STAT4: variants seen among roughly 807,000 people sequenced by gnomAD.
The protein encoded by STAT4 is signal transducer and activator of transcription 4.
In STAT4, 42 loss-of-function variants were observed where a neutral mutation model predicts 110.5. That is an observed-to-expected ratio of 0.38 (90% CI 0.30 to 0.49). The LOEUF is 0.49. Among genes scored for constraint, STAT4 ranks in the 20% least tolerant of loss-of-function variants. STAT4 has a pLI of 0.95. For synonymous variants in STAT4, 284 were observed against 302.2 expected (o/e 0.94, Z 0.63); for missense variants, 632 against 887.9 (o/e 0.71, Z 3.66).
At position 191,066,894 on chromosome 2, in the gene STAT4, C is replaced by A. The variant is rs1265877631; in HGVS notation, c.545-379G>T. The stretch of plus-strand genomic sequence containing the variant: ...AGGAAAGCAGGGATCACCCTTTGTG[C>A]CCCTGATTAAATCATATTTGACTCT... On this transcript the variant is annotated intron_variant, in intron 6 of 23. Coordinates refer to ENST00000392320, the MANE Select transcript of STAT4 (RefSeq NM_003151.4). The surrounding 1 kb of genome is among the most constrained non-coding windows in gnomAD (Gnocchi z 4.3). 6.6e-6 allele frequency among the ~76,000 whole-genome samples: 1 copy of A among 151,978 alleles called. No homozygotes were observed. Among genetic ancestry groups the A allele is most frequent in the Non-Finnish European group, 1.5e-5 (1 of 67,978 alleles).
rs536471585 is a variant in STAT4 at position 191,033,407 on chromosome 2, C to T, written c.1852+83G>A. Reference sequence around the variant, plus strand: ...AATACATCACAGACAGATCAACACACCATACACTTCCAAAAACTGAAATCC... The same window carrying T: ...AATACATCACAGACAGATCAACACATCATACACTTCCAAAAACTGAAATCC... On this transcript the variant is annotated intron_variant, in intron 20 of 23. Coordinates refer to ENST00000392320, the MANE Select transcript of STAT4 (RefSeq NM_003151.4). The surrounding 1 kb of genome is among the most constrained non-coding windows in gnomAD (Gnocchi z 6.9). 1 of 1,460,554 alleles carries T rather than the reference C, an allele frequency of 6.8e-7. No homozygotes were observed. Among genetic ancestry groups the T allele is most frequent in the South Asian group, 1.3e-5 (1 of 74,320 alleles). 90.5% of individuals were successfully genotyped at this position (1,460,554 alleles called of 1,614,324 possible).
chr2:191,063,847 T>C (rs1430969275), intron 8 of STAT4, among the ~76,000 whole-genome samples: 1 of 152,232 alleles, frequency 6.6e-6, no homozygotes, highest in East Asian at 1.9e-4. Context: ...CTTACATTTC[T>C]TGACAAGTAG....
chr2:191,144,084 T>C lies in STAT4; in HGVS notation c.273+2529A>G, dbSNP rs994781320. Among the ~76,000 whole-genome samples the C allele has an allele frequency of 1.4e-4, 22 of 152,126 alleles. No individual in the cohort carries two copies. Among genetic ancestry groups the C allele is most frequent in the African/African-American group, 5.1e-4 (21 of 41,430 alleles). ...AACTCAAATATCTTAATTCACCAAATTGTTTTTTGAATTCCTAGTGTGCAC... is the reference window on the plus strand; with the variant it reads ...AACTCAAATATCTTAATTCACCAAACTGTTTTTTGAATTCCTAGTGTGCAC... On this transcript the variant is annotated intron_variant, in intron 3 of 23. Coordinates refer to ENST00000392320, the MANE Select transcript of STAT4 (RefSeq NM_003151.4). The surrounding 1 kb of genome is among the most constrained non-coding windows in gnomAD (Gnocchi z 4.7).
chr2:191,034,408 G>A, intron 18 of STAT4, 140 bp downstream of exon 18: 1 of 627,884 alleles, frequency 1.6e-6, no homozygotes, highest in Admixed American at 2.9e-5. Context: ...GGGTGACAGA[G>A]CAAGACTCTA....
rs1699454213 is a variant in STAT4, at chr2:191,146,160, G to A, written c.273+453C>T. On this transcript the variant is annotated intron_variant, in intron 3 of 23. Coordinates refer to ENST00000392320, the MANE Select transcript of STAT4 (RefSeq NM_003151.4). This position sits in a 1 kb window ranked among gnomAD's most constrained non-coding sequence, Gnocchi z 4.5. ...GGGCTCTGCCTGGGTGAACCAGAGAGTACCAAAGAACACTTTTAAAGGAGT... is the reference window on the plus strand; with the variant it reads ...GGGCTCTGCCTGGGTGAACCAGAGAATACCAAAGAACACTTTTAAAGGAGT... Among the ~76,000 whole-genome samples, 1 of 152,214 alleles carries A rather than the reference G, an allele frequency of 6.6e-6. No individual in the cohort carries two copies. The highest frequency in any genetic ancestry group is 2.4e-5 in the African/African-American group (1 of 41,456).
intron 14 of STAT4, among the ~76,000 whole-genome samples, chr2:191,045,290 A>G (rs1437200441): frequency 1.3e-5 from 2 of 152,248 alleles, no homozygotes; most frequent in Non-Finnish European, 2.9e-5. Context: ...CAGTATTGCC[A>G]TCGCCTAAAA....
In STAT4 at chr2:191,030,945, C is replaced by A; in HGVS notation, c.2220+27G>T. The A allele has an allele frequency of 6.2e-7, 1 of 1,601,064 alleles. No individual in the cohort carries two copies. The highest frequency in any genetic ancestry group is 8.6e-7 in the Non-Finnish European group (1 of 1,168,380). ...TTGCATCGTTGGAAACACCTTTGAC[C>A]AGCAATGGAAAATAAAGGGAACATA... is the stretch of plus-strand genomic sequence containing the variant. On this transcript the variant is annotated intron_variant, in intron 23 of 23. Coordinates refer to ENST00000392320, the MANE Select transcript of STAT4 (RefSeq NM_003151.4). This position sits in a 1 kb window ranked among gnomAD's most constrained non-coding sequence, Gnocchi z 4.4.
intron 3 of STAT4, among the ~76,000 whole-genome samples, chr2:191,103,904 C>A (rs1698209127): frequency 2.0e-5 from 3 of 152,128 alleles, no homozygotes; most frequent in South Asian, 4.1e-4. Context: ...GGGACATCTA[C>A]AGTTTTTTCC....
chr2:191,029,939 T>C lies in STAT4; in HGVS notation c.2221-73A>G. ...AATCAATCACTATTTCTTGGGCAAA[T>C]AAACGTCCTCTTTTCTACGAATTAC... On this transcript the variant is annotated intron_variant, in intron 23 of 23. Transcript: ENST00000392320. This position sits in a 1 kb window ranked among gnomAD's most constrained non-coding sequence, Gnocchi z 4.5. The C allele has an allele frequency of 8.5e-7, 1 of 1,170,682 alleles. No individual in the cohort carries two copies. The highest frequency in any genetic ancestry group is 1.2e-6 in the Non-Finnish European group (1 of 811,970). The allele number at this position is 1,170,682 out of a possible 1,614,324, so 72.5% of individuals were successfully genotyped here. A position where few individuals can be genotyped will look rare whatever the true frequency, so the allele number is the denominator to read the frequency against.
intron 7 of STAT4, among the ~76,000 whole-genome samples, chr2:191,065,287 T>G (rs1696958333): frequency 6.6e-6 from 1 of 152,192 alleles, no homozygotes; most frequent in Non-Finnish European, 1.5e-5. Flanking sequence ...TATTTATATA[T>G]GTAATTTATT....
At position 191,110,260 on chromosome 2, in the gene STAT4, G is replaced by C. The variant is rs1468581812; in HGVS notation, c.274-33935C>G. On this transcript the variant is annotated intron_variant, in intron 3 of 23. Transcript: ENST00000392320. The surrounding 1 kb of genome is among the most constrained non-coding windows in gnomAD (Gnocchi z 4.5). ...TCAGGCCTTTATTCAACAATATTCA[G>C]GTTTCAGCTATGTGTCTGGCTCTGT... Among the ~76,000 whole-genome samples, 1 of 152,160 alleles carries C rather than the reference G, an allele frequency of 6.6e-6. No homozygotes were observed. Among genetic ancestry groups the C allele is most frequent in the Non-Finnish European group, 1.5e-5 (1 of 68,028 alleles).
chr2:191,064,758 T>G (rs1553507367), intron 8 of STAT4, 49 bp downstream of exon 8: 1 of 1,581,410 alleles, frequency 6.3e-7, no homozygotes, highest in Non-Finnish European at 8.6e-7. Context: ...ACACTGAAGT[T>G]TTGTGTTTCC....
chr2:191,066,487 C>T lies in STAT4; in HGVS notation c.573G>A (p.Val191=), dbSNP rs1257415818. Residue 191 remains valine (V), a synonymous_variant, in exon 7 of 24, where the codon GTG becomes GTA. Transcript: ENST00000392320. The surrounding 1 kb of genome is among the most constrained non-coding windows in gnomAD (Gnocchi z 4.3). ...CCTGCAGTGTCAAAACTTCCTGATT[C>T]ACCATGGCACTATTCTTGTCACTCT... The part of the protein sequence containing the change: ...MDQSDKNSAM[V]NQEVLTLQEM... 1.2e-6 allele frequency: 2 copies of T among 1,613,490 alleles called. No individual in the cohort carries two copies. Among genetic ancestry groups the T allele is most frequent in the Non-Finnish European group, 1.7e-6 (2 of 1,179,642 alleles).
chr2:191,068,294 C>T (rs185618455), intron 6 of STAT4: 2 of 152,228 alleles, frequency 1.3e-5, no homozygotes, highest in African/African-American at 4.8e-5. Flanking sequence ...AATAAGGCTG[C>T]CTTCAATGAA....
In STAT4 at chr2:191,104,808, G is replaced by T. The variant is rs1488630642; in HGVS notation, c.274-28483C>A. Among the ~76,000 whole-genome samples the T allele has an allele frequency of 6.6e-6, 1 of 151,732 alleles. No homozygotes were observed. The highest frequency in any genetic ancestry group is 1.5e-5 in the Non-Finnish European group (1 of 67,914). ...ACTGGTAAAAACTTTATTAAGGATG[G>T]GTCCTGGCTGGTGTTTGAGACCTTC... is the stretch of plus-strand genomic sequence containing the variant. On this transcript the variant is annotated intron_variant, in intron 3 of 23. Coordinates refer to ENST00000392320, the MANE Select transcript of STAT4 (RefSeq NM_003151.4). This position sits in a 1 kb window ranked among gnomAD's most constrained non-coding sequence, Gnocchi z 4.3.
At chr2:191,136,013 A>C (rs1416481523) in intron 3 of STAT4, among the ~76,000 whole-genome samples, 4 of 121,554 alleles carry the variant, frequency 3.3e-5, no homozygotes, top group Admixed American at 9.2e-5. Flanking sequence ...CAGAAAAAAA[A>C]AAAAAAAAAC....
chr2:191,148,638 C>T (rs1437471757), intron 1 of STAT4, among the ~76,000 whole-genome samples: 1 of 152,068 alleles, frequency 6.6e-6, no homozygotes, highest in Admixed American at 6.5e-5. Flanking sequence ...TGAGGAACAA[C>T]CCCCCAAGAA....
chr2:191,094,774 C>T (rs746121080), intron 3 of STAT4, among the ~76,000 whole-genome samples: 69 of 151,978 alleles, frequency 4.5e-4, no homozygotes, highest in Non-Finnish European at 8.8e-4. Flanking sequence ...CTGAATGCCA[C>T]AGTTAAAAGA....
At chr2:191,045,384 T>A (rs529398262) in intron 14 of STAT4, among the ~76,000 whole-genome samples, 27 of 152,324 alleles carry the variant, frequency 1.8e-4, no homozygotes, top group African/African-American at 6.3e-4. Context: ...CTGGGTGGAA[T>A]TTGGGAGGAA....
Sources: allele counts gnomAD v4.1 joint callset (sites outside exome capture counted in the v4.1 genomes callset), GRCh38; gene constraint gnomAD v4.1.1; non-coding constraint Gnocchi (gnomAD v3.1); transcripts MANE v1.5; gene names NCBI Gene and HGNC (gene_info 2026-07-23, HGNC 2026-07-21).